Variants in ARMH1 observed in about 807,000 individuals in gnomAD.
The protein encoded by ARMH1 is armadillo like helical domain containing 1, also known as armadillo-like helical domain containing protein 1.
Under a neutral mutation model 50.2 loss-of-function variants are expected in ARMH1, and 34 were observed. The observed-to-expected ratio is 0.68, with a 90% CI of 0.51 to 0.90. ARMH1 has a LOEUF of 0.90. Among genes scored for constraint, ARMH1 ranks in the 40% least tolerant of loss-of-function variants. ARMH1 has a pLI of 0.00. For synonymous variants in ARMH1, 221 were observed against 224.2 expected, an observed-to-expected ratio of 0.99 and a Z score of 0.13; for missense variants, 538 against 553.9, an observed-to-expected ratio of 0.97 and a Z score of 0.29.
chr1:44,701,939 C>T (rs564335389), intron 5 of ARMH1, among the ~76,000 whole-genome samples: 1 of 149,418 alleles, frequency 6.7e-6, no homozygotes, highest in South Asian at 2.1e-4. Flanking sequence ...AAAAAAAAGG[C>T]AAATTCAAAA....
In ARMH1 at chr1:44,725,465, G is replaced by A. The variant is rs1648158416; in HGVS notation, c.*62G>A. 2 of 1,504,116 alleles carry A rather than the reference G, an allele frequency of 1.3e-6. No homozygotes were observed. The highest frequency in any genetic ancestry group is 1.8e-6 in the Non-Finnish European group (2 of 1,105,310). 93.2% of individuals were successfully genotyped at this position (1,504,116 alleles called of 1,614,324 possible). On this transcript the variant is annotated 3_prime_UTR_variant, in exon 12 of 12. Transcript: ENST00000535358. ...GGGCAGGGAAGCCTGGCAAGAGGAA[G>A]GCGCCTGGGGTCAAGCTCAGAGCCA...
intron 1 of ARMH1, among the ~76,000 whole-genome samples, chr1:44,679,833 A>G (rs1470974421): frequency 6.6e-6 from 1 of 152,250 alleles, no homozygotes; most frequent in Non-Finnish European, 1.5e-5. Context: ...CTCAGCGAGC[A>G]TTTATTCAAC....
At chr1:44,707,515 G>A (rs759780712) in intron 6 of ARMH1, among the ~76,000 whole-genome samples, 2 of 152,012 alleles carry the variant, frequency 1.3e-5, no homozygotes, top group African/African-American at 2.4e-5. Context: ...CTCCAGCCTC[G>A]ACCTCCTAGG....
chr1:44,725,223 T>G lies in ARMH1; in HGVS notation c.1210+6T>G. 6.4e-7 allele frequency: 1 copy of G among 1,551,782 alleles called. No homozygotes were observed. The highest frequency in any genetic ancestry group is 8.7e-7 in the Non-Finnish European group (1 of 1,147,012). On this transcript the variant is annotated splice_donor_region_variant and intron_variant, in intron 11 of 11. Transcript: ENST00000535358. ...CACAGTCAATGTTACCAAAGGTGAGTGTGGGACGAGGGAAGCCGGGCGCAG... is the reference window on the plus strand; with the variant it reads ...CACAGTCAATGTTACCAAAGGTGAGGGTGGGACGAGGGAAGCCGGGCGCAG...
At chr1:44,714,245 G>A (rs899336023) in intron 6 of ARMH1, among the ~76,000 whole-genome samples, 5 of 150,764 alleles carry the variant, frequency 3.3e-5, no homozygotes, top group African/African-American at 1.2e-4. Flanking sequence ...ACTCCAGCCT[G>A]GGTGACAGAG....
chr1:44,708,663 C>A (rs963134175), intron 6 of ARMH1, among the ~76,000 whole-genome samples: 1 of 151,980 alleles, frequency 6.6e-6, no homozygotes, highest in African/African-American at 2.4e-5. Flanking sequence ...GGGGGCCTGG[C>A]GATTGTTTAT....
rs1212249032 is a variant in ARMH1 at position 44,724,557 on chromosome 1, C to T, written c.939C>T (p.Asp313=). The T allele has an allele frequency of 2.0e-6, 3 of 1,513,278 alleles. No individual in the cohort carries two copies. Among genetic ancestry groups the T allele is most frequent in the Non-Finnish European group, 2.6e-6 (3 of 1,133,554 alleles). The allele number at this position is 1,513,278 out of a possible 1,614,324, so 93.7% of individuals were successfully genotyped here. The change falls in exon 9 of 12, where the codon GAC becomes GAT. Residue 313 remains aspartate (D), a synonymous_variant. Coordinates refer to ENST00000535358, the MANE Select transcript of ARMH1 (RefSeq NM_001145636.2). This position sits in a 1 kb window ranked among gnomAD's most constrained non-coding sequence, Gnocchi z 6.4. ...GGCCCAGGGTCCTGGCGCGCAACGA[C>T]ATGAGCATCGCCGAGGAGCTGCTGT... ...AKAIGVLARN[D]MSIAEELLYL...
chr1:44,725,388 A>C lies in ARMH1; in HGVS notation c.1308A>C (p.Val436=). The C allele has an allele frequency of 1.9e-6, 3 of 1,551,820 alleles. No individual in the cohort carries two copies. ...MAYLTHFEED[V]ESKE ...ACCTCACACACTTCGAGGAGGATGT[A>C]GAATCAAAGGAGTAACAGCCCCTGT... The change falls in exon 12 of 12, where the codon GTA becomes GTC. Residue 436 remains valine (V), a synonymous_variant. Transcript: ENST00000535358.
At chr1:44,699,126 C>CA (rs1253277701) in intron 4 of ARMH1, among the ~76,000 whole-genome samples, 1 of 150,586 alleles carries the variant, frequency 6.6e-6, no homozygotes, top group Non-Finnish European at 1.5e-5. Flanking sequence ...ACTGAAAATA[C>CA]AAAAAAAAAT....
At position 44,681,851 on chromosome 1, in the gene ARMH1, G is replaced by A. The variant is rs1447826717; in HGVS notation, c.-23+6978G>A. Reference sequence around the variant, plus strand: ...CTAGCCAGTCACAGATTTGGGGTGTGGGTTTTGGGTATGAAAGCTGTGTTG... The same window carrying A: ...CTAGCCAGTCACAGATTTGGGGTGTAGGTTTTGGGTATGAAAGCTGTGTTG... On this transcript the variant is annotated intron_variant, in intron 1 of 11. Transcript: ENST00000535358. This position sits in a 1 kb window ranked among gnomAD's most constrained non-coding sequence, Gnocchi z 4.3. Among the ~76,000 whole-genome samples, 18 of 152,180 alleles carry A rather than the reference G, an allele frequency of 1.2e-4. No homozygotes were observed. Among genetic ancestry groups the A allele is most frequent in the Admixed American group, 1.2e-3 (18 of 15,286 alleles).
intron 6 of ARMH1, among the ~76,000 whole-genome samples, chr1:44,719,548 T>C (rs1016633588): frequency 6.6e-6 from 1 of 152,252 alleles, no homozygotes; most frequent in African/African-American, 2.4e-5. Flanking sequence ...AGGATGTGGC[T>C]GCTCCCTCTG....
At chr1:44,677,763 G>A (rs944748504) in intron 1 of ARMH1, among the ~76,000 whole-genome samples, 7 of 152,160 alleles carry the variant, frequency 4.6e-5, no homozygotes, top group African/African-American at 1.7e-4. Flanking sequence ...GTCTCTGATG[G>A]GCAGAGCAGG....
chr1:44,696,299 C>G (rs1208537072), intron 2 of ARMH1, among the ~76,000 whole-genome samples: 1 of 152,232 alleles, frequency 6.6e-6, no homozygotes, highest in African/African-American at 2.4e-5. Context: ...AAACAAAGCA[C>G]CATTACCTCC....
intron 5 of ARMH1, among the ~76,000 whole-genome samples, chr1:44,703,295 C>CTAGAGA (rs911780353): frequency 7.2e-5 from 11 of 152,234 alleles, no homozygotes; most frequent in African/African-American, 2.6e-4. Flanking sequence ...GCCTCCTGAG[C>CTAGAGA]TAGAGAGTTC....
At chr1:44,685,861 C>T (rs139369261) in intron 1 of ARMH1, among the ~76,000 whole-genome samples, 4,776 of 152,068 alleles carry the variant, frequency 0.031, 259 homozygotes, top group African/African-American at 0.11. Flanking sequence ...CTCTTGACCT[C>T]GTGATCTGCC....
chr1:44,689,581 A>C, intron 1 of ARMH1, 95 bp from the exon 2 acceptor site: 2 of 969,560 alleles, frequency 2.1e-6, no homozygotes, highest in South Asian at 3.1e-5. Flanking sequence ...TGCATGATAA[A>C]GCCACACCCT....
At chr1:44,691,518 T>C (rs1645658703) in intron 2 of ARMH1, among the ~76,000 whole-genome samples, 1 of 152,146 alleles carries the variant, frequency 6.6e-6, no homozygotes, top group African/African-American at 2.4e-5. Flanking sequence ...CTGATACCGA[T>C]TATCTTGGTG....
rs545141486 is a variant in ARMH1, at chr1:44,682,671, A to G, written c.-22-7005A>G. On this transcript the variant is annotated intron_variant, in intron 1 of 11. Transcript: ENST00000535358. This position sits in a 1 kb window ranked among gnomAD's most constrained non-coding sequence, Gnocchi z 4.5. ...CCTGGCCTGGTGGCTCACACCTGTA[A>G]TCCCAGTACTTTGGGAGGCCGAGGC... Among the ~76,000 whole-genome samples, 1 of 152,294 alleles carries G rather than the reference A, an allele frequency of 6.6e-6. No individual in the cohort carries two copies. The highest frequency in any genetic ancestry group is 2.4e-5 in the African/African-American group (1 of 41,564).
chr1:44,684,807 A>G (rs1407401438), intron 1 of ARMH1, among the ~76,000 whole-genome samples: 2 of 152,200 alleles, frequency 1.3e-5, no homozygotes, highest in Non-Finnish European at 2.9e-5. Flanking sequence ...CTCCTTGCAC[A>G]GGGACCTCAG....
Sources: gnomAD v4.1 joint callset for allele counts (sites outside exome capture counted in the v4.1 genomes callset) on GRCh38, gnomAD v4.1.1 for gene constraint, Gnocchi (gnomAD v3.1) non-coding constraint, MANE v1.5 for transcripts, NCBI Gene and HGNC (gene_info 2026-07-23, HGNC 2026-07-21) for gene names.